BOP1: variants seen among roughly 807,000 people sequenced by gnomAD.
BOP1 encodes the protein ribosome biogenesis protein BOP1.
BOP1 carries 54 observed loss-of-function variants against 82.9 expected under a neutral mutation model. That is an observed-to-expected ratio of 0.65 (90% CI 0.52 to 0.82). The LOEUF (loss-of-function observed/expected upper bound fraction) is 0.82. BOP1 is among the 40% of genes least tolerant of loss of function. The probability of loss-of-function intolerance (pLI) is 0.00; values close to 1 mark genes in which losing one functional copy is unlikely to be tolerated. For missense variants in BOP1, 1,170 were observed against 1,072.0 expected, an observed-to-expected ratio of 1.09 and a Z score of -1.28; for synonymous variants, 566 against 451.1, an observed-to-expected ratio of 1.25 and a Z score of -3.23.
intron 3 of BOP1, among the ~76,000 whole-genome samples, chr8:144,271,738 C>T (rs1357908727): frequency 6.6e-6 from 1 of 152,084 alleles, no homozygotes; most frequent in Non-Finnish European, 1.5e-5. Context: ...AAAGTCCAAA[C>T]CAGCTGAGCG....
chr8:144,281,496 T>A lies in BOP1; in HGVS notation c.310-5192A>T, dbSNP rs4977210. On this transcript the variant is annotated intron_variant, in intron 2 of 15. Transcript: ENST00000569669. Reference sequence around the variant, plus strand: ...TTCTCTCACTTTCATACCAGGTCTTTGGCCTTCCCTCAGTTTAATACCAGG... The same window carrying A: ...TTCTCTCACTTTCATACCAGGTCTTAGGCCTTCCCTCAGTTTAATACCAGG... Among the ~76,000 whole-genome samples the A allele has an allele frequency of 7.3e-3, 11 of 1,510 alleles. 2 individuals are homozygous for A. The highest frequency in any genetic ancestry group is 0.034 in the Admixed American group (3 of 88). 1.0% of individuals were successfully genotyped at this position (1,510 alleles called of 152,430 possible).
intron 3 of BOP1, among the ~76,000 whole-genome samples, chr8:144,272,760 G>A (rs1845511216): frequency 6.6e-6 from 1 of 152,132 alleles, no homozygotes; most frequent in Non-Finnish European, 1.5e-5. Context: ...TGAGGGCCCT[G>A]GCTTCCCTGC....
chr8:144,271,506 ACAAAACGCCCGCCTGT>A (rs1428746233), intron 3 of BOP1, among the ~76,000 whole-genome samples: 1 of 151,216 alleles, frequency 6.6e-6, no homozygotes, highest in Non-Finnish European at 1.5e-5. Flanking sequence ...GCTCCCCTGC[ACAAAACGCCCGCCTGT>A]CTCGGAGCGC....
In BOP1 at chr8:144,291,299, G is replaced by T. The variant is rs1554840179; in HGVS notation, c.72C>A (p.Pro24=). Residue 24 remains proline (P), a synonymous_variant, in exon 1 of 16, where the codon CCC becomes CCA. Coordinates refer to ENST00000569669, the MANE Select transcript of BOP1 (RefSeq NM_015201.5). This position sits in a 1 kb window ranked among gnomAD's most constrained non-coding sequence, Gnocchi z 4.1. ...CCGGCTCGGGCTCAGGCTCCAGTTC[G>T]GGCTCAGACCGCCGCTTCTCCGGCC... ...SVRPEKRRSE[P]ELEPEPEPEP... is the part of the protein sequence containing the mutation. The T allele has an allele frequency of 1.4e-6, 2 of 1,450,504 alleles. No individual in the cohort carries two copies. The highest frequency in any genetic ancestry group is 5.0e-5 in the Admixed American group (2 of 40,246). The allele number at this position is 1,450,504 out of a possible 1,614,324, so 89.9% of individuals were successfully genotyped here.
At position 144,288,668 on chromosome 8, in the gene BOP1, C is replaced by T. The variant is rs1391493088; in HGVS notation, c.309+427G>A. Among the ~76,000 whole-genome samples the T allele has an allele frequency of 2.0e-4, 30 of 152,250 alleles. 1 individual carries two copies. ...GTACAATGTTAAACCCTCTACCCGTCGGCTGCTCAGGCCCCTGAAGCCCTG... is the reference window on the plus strand; with the variant it reads ...GTACAATGTTAAACCCTCTACCCGTTGGCTGCTCAGGCCCCTGAAGCCCTG... On this transcript the variant is annotated intron_variant, in intron 2 of 15. Coordinates refer to ENST00000569669, the MANE Select transcript of BOP1 (RefSeq NM_015201.5).
At chr8:144,286,398 C>T (rs911489759) in intron 2 of BOP1, among the ~76,000 whole-genome samples, 2 of 146,154 alleles carry the variant, frequency 1.4e-5, no homozygotes, top group South Asian at 4.4e-4. Context: ...GGTGCATGGG[C>T]GCCACGGCAG....
At position 144,262,910 on chromosome 8, in the gene BOP1, T is replaced by C; in HGVS notation, c.1837A>G (p.Thr613Ala). 1.3e-6 allele frequency: 2 copies of C among 1,532,820 alleles called. No individual in the cohort carries two copies. The highest frequency in any genetic ancestry group is 1.7e-6 in the Non-Finnish European group (2 of 1,144,344). 95.0% of individuals were successfully genotyped at this position (1,532,820 alleles called of 1,614,324 possible). Residue 613 changes from threonine (T) to alanine (A), a missense_variant, in exon 13 of 16, where the codon ACC becomes GCC. Coordinates refer to ENST00000569669, the MANE Select transcript of BOP1 (RefSeq NM_015201.5). ...TTGCAGTTGGGCATCAGCTTCTTGG[T>C]GAGCTCCTGGCGCAGCAGGTGGTAG... ...RLYHLLRQEL[T>A]KKLMPNCKWV...
chr8:144,266,786 GC>G, intron 3 of BOP1: 1 of 1,105,012 alleles, frequency 9.0e-7, no homozygotes. Flanking sequence ...AGGGCGGGGG[GC>G]CGGCGGGCCG....
chr8:144,262,279 A>G lies in BOP1; in HGVS notation c.2126T>C (p.Val709Ala). ...LQNPLLVPVK[V>A]LKGHVLTRDL... The stretch of plus-strand genomic sequence containing the variant: ...TCGGGTCAGCACGTGTCCCTTCAGC[A>G]CCTTGACGGGCACCAGCAAGGGGTT... Residue 709 changes from valine (V) to alanine (A), a missense_variant, in exon 16 of 16, where the codon GTG becomes GCG. Coordinates refer to ENST00000569669, the MANE Select transcript of BOP1 (RefSeq NM_015201.5). 6.2e-7 allele frequency: 1 copy of G among 1,612,756 alleles called. No individual in the cohort carries two copies. Among genetic ancestry groups the G allele is most frequent in the Non-Finnish European group, 8.5e-7 (1 of 1,179,788 alleles).
Position 144,267,196 on chromosome 8 carries a change from G to A in BOP1, c.391-2125C>T. On this transcript the variant is annotated intron_variant, in intron 3 of 15. Transcript: ENST00000569669. ...GAGAAAGTTGGTGAGCACGGGCCGT[G>A]GGGCGCCGAGGGGGGCCTCCAACGC... is the stretch of plus-strand genomic sequence containing the variant. 2.7e-6 allele frequency: 4 copies of A among 1,498,580 alleles called. No homozygotes were observed. The South Asian group carries it at 5.1e-5, about 19-fold the overall frequency. The allele number at this position is 1,498,580 out of a possible 1,614,324, so 92.8% of individuals were successfully genotyped here. A position where few individuals can be genotyped will look rare whatever the true frequency, so the allele number is the denominator to read the frequency against.
At chr8:144,289,333 C>T in intron 1 of BOP1, 29 bp from the exon 2 acceptor site, 2 of 1,607,516 alleles carry the variant, frequency 1.2e-6, no homozygotes, top group Non-Finnish European at 1.7e-6. Context: ...TTGGTGACAA[C>T]TGCCCCTCCA....
Position 144,263,571 on chromosome 8 carries a change from G to A in BOP1, c.1331C>T (p.Thr444Ile). ...GGGAACAGTCCTCACACAGCGGGCA[G>A]TGGCCACCTCCCAGAGCCGCAGGGA... ...DGSLRLWEVA[T>I]ARCVRTVPVG... is the part of the protein sequence containing the mutation. The change falls in exon 11 of 16, where the codon ACT becomes ATT. Residue 444 changes from threonine (T) to isoleucine (I), a missense_variant. Physicochemically the swap from Thr to Ile is moderately conservative, Grantham distance 89. Coordinates refer to ENST00000569669, the MANE Select transcript of BOP1 (RefSeq NM_015201.5). 1 of 1,603,280 alleles carries A rather than the reference G, an allele frequency of 6.2e-7. No individual in the cohort carries two copies. The highest frequency in any genetic ancestry group is 1.3e-5 in the African/African-American group (1 of 74,996).
intron 3 of BOP1, among the ~76,000 whole-genome samples, chr8:144,275,197 C>T (rs927966526): frequency 4.6e-5 from 7 of 152,116 alleles, no homozygotes; most frequent in Non-Finnish European, 1.0e-4. Flanking sequence ...AGGCCCTACA[C>T]CAAAGCCTTC....
chr8:144,285,977 G>A (rs561583874), intron 2 of BOP1, among the ~76,000 whole-genome samples: 1 of 152,236 alleles, frequency 6.6e-6, no homozygotes, highest in Non-Finnish European at 1.5e-5. Context: ...ACGTGGCCAC[G>A]CTCATGGAAG....
chr8:144,263,204 C>T lies in BOP1; in HGVS notation c.1605+17G>A, dbSNP rs1310020886. On this transcript the variant is annotated intron_variant, in intron 12 of 15. Coordinates refer to ENST00000569669, the MANE Select transcript of BOP1 (RefSeq NM_015201.5). The stretch of plus-strand genomic sequence containing the variant: ...GCCCCTCCCGCTGCAGCCTCACCCC[C>T]AAGGCGCCCCACGTACCTTCCCGTG... 4 of 1,593,870 alleles carry T rather than the reference C, an allele frequency of 2.5e-6. No homozygotes were observed. Among genetic ancestry groups the T allele is most frequent in the Non-Finnish European group, 3.4e-6 (4 of 1,178,782 alleles).
At position 144,263,770 on chromosome 8, in the gene BOP1, G is replaced by A; in HGVS notation, c.1222-9C>T. On this transcript the variant is annotated splice_polypyrimidine_tract_variant and intron_variant, in intron 9 of 15. Transcript: ENST00000569669. ...CTGTGGCCCCTGTAGACCTGAGGAG[G>A]CGGCGGCAGTGAGGAGTCAGACTGG... is the stretch of plus-strand genomic sequence containing the variant. The A allele has an allele frequency of 6.3e-7, 1 of 1,592,710 alleles. No homozygotes were observed. The highest frequency in any genetic ancestry group is 1.3e-5 in the African/African-American group (1 of 74,680).
chr8:144,290,917 T>G (rs1438890327), intron 1 of BOP1, among the ~76,000 whole-genome samples: 1 of 152,214 alleles, frequency 6.6e-6, no homozygotes, highest in Non-Finnish European at 1.5e-5. Context: ...GTCTATCCCA[T>G]GAGCATAAAA....
intron 3 of BOP1, among the ~76,000 whole-genome samples, chr8:144,273,178 C>A (rs887728422): frequency 6.6e-6 from 1 of 152,186 alleles, no homozygotes; most frequent in East Asian, 1.9e-4. Context: ...GCGGGGGCGG[C>A]CCGGAGGAGC....
intron 3 of BOP1, among the ~76,000 whole-genome samples, chr8:144,273,741 G>C (rs923441784): frequency 2.0e-4 from 31 of 151,840 alleles, no homozygotes; most frequent in African/African-American, 7.3e-4. Context: ...CGGTGGGAGA[G>C]GGGTGAGGTG....
Sources: gnomAD v4.1 joint callset for allele counts (sites outside exome capture counted in the v4.1 genomes callset) on GRCh38, gnomAD v4.1.1 for gene constraint, Gnocchi (gnomAD v3.1) non-coding constraint, MANE v1.5 for transcripts, NCBI Gene and HGNC (gene_info 2026-07-23, HGNC 2026-07-21) for gene names.